USP9Y: variants seen among roughly 807,000 people sequenced by gnomAD.
The protein encoded by USP9Y is ubiquitin carboxyl-terminal hydrolase 9Y.
In USP9Y, 41 loss-of-function variants were observed where a neutral mutation model predicts 53.1. That is an observed-to-expected ratio of 0.77 (90% CI 0.60 to 1.00). The LOEUF (loss-of-function observed/expected upper bound fraction) is 1.00. Ranked by LOEUF, USP9Y falls within the 50% of genes least tolerant of loss-of-function variation. The pLI, the probability that USP9Y is intolerant of heterozygous loss-of-function variation, is 0.00. For missense variants in USP9Y, 567 were observed against 535.8 expected (o/e 1.06, Z -0.58); for synonymous variants, 220 against 173.7 (o/e 1.27, Z -2.09).
At chrY:12,753,237 C>T in intron 12 of USP9Y, among the ~76,000 whole-genome samples, 1 of 34,037 alleles carries the variant, frequency 2.9e-5, no homozygotes, top group Admixed American at 2.7e-4. Context: ...ACTGGGATTA[C>T]AGGTGTGAAC....
chrY:12,795,676 T>C (rs2053512205), intron 27 of USP9Y, among the ~76,000 whole-genome samples: 1 of 33,298 alleles, frequency 3.0e-5, no homozygotes, highest in Non-Finnish European at 7.4e-5. Context: ...CAAAGTTTAT[T>C]TGTGCTAAAC....
chrY:12,723,494 A>G, intron 5 of USP9Y, among the ~76,000 whole-genome samples: 1 of 26,491 alleles, frequency 3.8e-5, no homozygotes, highest in African/African-American at 1.5e-4. Context: ...GGTTCATGCC[A>G]TTCTCCTGCC....
At chrY:12,806,867 G>T in intron 27 of USP9Y, among the ~76,000 whole-genome samples, 1 of 32,967 alleles carries the variant, frequency 3.0e-5, no homozygotes, top group Non-Finnish European at 7.4e-5. Context: ...TTTTACAGTT[G>T]TCTTGGTTCT....
intron 15 of USP9Y, among the ~76,000 whole-genome samples, chrY:12,765,530 C>T (rs770570584): frequency 1.0e-3 from 33 of 33,089 alleles, no homozygotes; most frequent in African/African-American, 3.4e-3. Flanking sequence ...AGAGCATTAG[C>T]TCCTGAGTCT....
intron 5 of USP9Y, among the ~76,000 whole-genome samples, chrY:12,723,230 G>T (rs2053437557): frequency 3.4e-5 from 1 of 29,711 alleles, no homozygotes; most frequent in Non-Finnish European, 8.0e-5. Flanking sequence ...AAGAAAATTT[G>T]ATATTTTTAC....
intron 20 of USP9Y, 79 bp from the exon 21 acceptor site, chrY:12,778,527 C>T (rs749978559): frequency 3.1e-6 from 1 of 327,175 alleles, no homozygotes; most frequent in East Asian, 9.6e-5. Flanking sequence ...TGTATTTTAA[C>T]CTTTCAATGT....
Position 12,730,732 on chromosome Y carries a change from G to A in USP9Y, c.657+3939G>A, listed in dbSNP as rs778227301. 1.2e-4 allele frequency among the ~76,000 whole-genome samples: 4 copies of A among 32,676 alleles called. No homozygotes were observed. The East Asian group carries it at 2.4e-3, about 19-fold the overall frequency. The allele number at this position is 32,676 out of a possible 37,273, so 87.7% of individuals were successfully genotyped here. On this transcript the variant is annotated intron_variant, in intron 7 of 45. Transcript: ENST00000338981. ...TCTTGACCTCAGGTAATCTACCCAC[G>A]TCGGCCTCCCAGATGTTTTGTATTC...
chrY:12,806,156 T>TA (rs2053524254), intron 27 of USP9Y, among the ~76,000 whole-genome samples: 1 of 32,597 alleles, frequency 3.1e-5, no homozygotes, highest in Non-Finnish European at 7.6e-5. Context: ...ATTTGTTTTT[T>TA]AAAAAAAAAT....
At chrY:12,799,558 G>C in intron 27 of USP9Y, among the ~76,000 whole-genome samples, 1 of 33,443 alleles carries the variant, frequency 3.0e-5, no homozygotes, top group Non-Finnish European at 7.4e-5. Flanking sequence ...AAAATCTTTG[G>C]AATCTCCAAA....
chrY:12,731,723 C>T, intron 7 of USP9Y, among the ~76,000 whole-genome samples: 3 of 32,698 alleles, frequency 9.2e-5, no homozygotes, highest in African/African-American at 2.4e-4. Flanking sequence ...TCAACTTGCA[C>T]GCCATTTAGC....
chrY:12,706,382 T>A, intron 1 of USP9Y, among the ~76,000 whole-genome samples: 2 of 33,726 alleles, frequency 5.9e-5, no homozygotes, highest in Non-Finnish European at 1.5e-4. Flanking sequence ...GAAGTTCAGA[T>A]ATTGGGTGGC....
chrY:12,743,051 T>A, intron 12 of USP9Y, among the ~76,000 whole-genome samples: 2 of 33,041 alleles, frequency 6.1e-5, no homozygotes, highest in Non-Finnish European at 1.5e-4. Context: ...TATGGACTTT[T>A]GAGGTTAGTT....
At chrY:12,782,236 G>C (rs987424704) in intron 22 of USP9Y, among the ~76,000 whole-genome samples, 2 of 32,574 alleles carry the variant, frequency 6.1e-5, no homozygotes, top group Admixed American at 5.6e-4. Context: ...TCACTGTTTT[G>C]ACCAGGCTGG....
intron 39 of USP9Y, 131 bp from the exon 40 acceptor site, chrY:12,846,202 A>G (rs2053566090): frequency 5.5e-6 from 1 of 180,501 alleles, no homozygotes. Context: ...TATTGTTTCT[A>G]TTCTAAGCAA....
rs1270969704 is a variant in USP9Y at position 12,856,775 on chromosome Y, G to C, written c.7364G>C (p.Gly2455Ala). The C allele has an allele frequency of 2.3e-5, 9 of 397,017 alleles. No homozygotes were observed. Among genetic ancestry groups the C allele is most frequent in the Non-Finnish European group, 3.2e-5 (9 of 282,925 alleles). ...GTACAAAGCAATGAAACAGCAAATG[G>C]TTATTTCTTAGAAAGATCACATAGT... ...PPVQSNETAN[G>A]YFLERSHSAR... The change falls in exon 44 of 46, where the codon GGT (glycine) becomes GCT (alanine). Residue 2455 changes from glycine (G) to alanine (A), a missense_variant. Transcript: ENST00000338981.
intron 1 of USP9Y, among the ~76,000 whole-genome samples, chrY:12,706,111 T>C (rs951581950): frequency 3.0e-5 from 1 of 33,441 alleles, no homozygotes; most frequent in African/African-American, 1.2e-4. Flanking sequence ...GTATTTTGTT[T>C]CTGGTTATAA....
chrY:12,758,855 G>A (rs2053472205), intron 14 of USP9Y, among the ~76,000 whole-genome samples: 4 of 33,162 alleles, frequency 1.2e-4, no homozygotes, highest in Non-Finnish European at 3.0e-4. Flanking sequence ...ATACTAAATA[G>A]CAATTAAGTA....
intron 17 of USP9Y, 71 bp downstream of exon 17, chrY:12,773,996 G>A: frequency 4.0e-6 from 1 of 251,111 alleles, no homozygotes; most frequent in Non-Finnish European, 6.1e-6. Flanking sequence ...TAATTCAAGA[G>A]TCATAATTTT....
At chrY:12,709,918 C>T in intron 3 of USP9Y, among the ~76,000 whole-genome samples, 1 of 29,589 alleles carries the variant, frequency 3.4e-5, no homozygotes, top group Non-Finnish European at 8.0e-5. Context: ...GCACTCCAGT[C>T]TGGGTGATAG....
Sources: allele counts gnomAD v4.1 joint callset (sites outside exome capture counted in the v4.1 genomes callset), GRCh38; gene constraint gnomAD v4.1.1; transcripts MANE v1.5; gene names NCBI Gene and HGNC (gene_info 2026-07-23, HGNC 2026-07-21).